Variants in TMEM63A observed in about 807,000 individuals in gnomAD.
TMEM63A encodes transmembrane protein 63A.
TMEM63A carries 76 observed loss-of-function variants against 100.6 expected under a neutral mutation model. The observed-to-expected ratio is 0.76, with a 90% CI of 0.63 to 0.91. TMEM63A has a LOEUF of 0.91. Ranked by LOEUF, TMEM63A falls within the 40% of genes least tolerant of loss-of-function variation. The pLI, the probability that TMEM63A is intolerant of heterozygous loss-of-function variation, is 0.00. For missense variants in TMEM63A, 876 were observed against 1,008.8 expected, an observed-to-expected ratio of 0.87 and a Z score of 1.78; for synonymous variants, 401 against 401.1, an observed-to-expected ratio of 1.00 and a Z score of 0.00.
At chr1:225,844,774 C>A, downstream of TMEM63A, 3 of 1,341,982 alleles carry the variant, frequency 2.2e-6, no homozygotes, top group Non-Finnish European at 3.0e-6. Context: ...CACTAAAGGT[C>A]GAGGTGTTTG....
Position 225,850,087 on chromosome 1 carries a change from G to A in TMEM63A, c.1904-8C>T. The A allele has an allele frequency of 6.2e-7, 1 of 1,613,940 alleles. No individual in the cohort carries two copies. The highest frequency in any genetic ancestry group is 8.5e-7 in the Non-Finnish European group (1 of 1,179,884). The stretch of plus-strand genomic sequence containing the variant: ...GCAGGATGTAGATGAGGCCTGCAGG[G>A]GATGGGGCTGTGAGCTGGAGACCTC... On this transcript the variant is annotated splice_region_variant and splice_polypyrimidine_tract_variant and intron_variant, in intron 20 of 24. Transcript: ENST00000366835.
intron 2 of TMEM63A, among the ~76,000 whole-genome samples, chr1:225,878,786 A>C (rs1469286754): frequency 6.6e-6 from 1 of 152,102 alleles, no homozygotes; most frequent in Non-Finnish European, 1.5e-5. Flanking sequence ...AGATGTTTGG[A>C]TACCAGTAGT....
intron 23 of TMEM63A, chr1:225,848,256 C>A: frequency 1.8e-6 from 1 of 546,960 alleles, no homozygotes; most frequent in South Asian, 2.5e-5. Context: ...GAACTGAAAC[C>A]AAGGGGGATG....
chr1:225,845,610 C>A lies in TMEM63A; in HGVS notation c.*1329G>T, dbSNP rs1475741854. ...GAGCGTGCGCTGACCCCACATGGGG[C>A]CCCCTGTGCAAGCAGAGCTGGCCGG... On this transcript the variant is annotated 3_prime_UTR_variant, in exon 25 of 25. Coordinates refer to ENST00000366835, the MANE Select transcript of TMEM63A (RefSeq NM_014698.3). The A allele has an allele frequency of 1.3e-5, 7 of 543,728 alleles. No homozygotes were observed. In the African/African-American group the frequency reaches 1.3e-4, roughly 10 times the overall value. 33.7% of individuals were successfully genotyped at this position (543,728 alleles called of 1,614,324 possible).
intron 14 of TMEM63A, chr1:225,860,074 C>CT (rs1669862588): frequency 6.5e-6 from 1 of 152,838 alleles, no homozygotes; most frequent in East Asian, 1.9e-4. Flanking sequence ...TAGCTTGCAC[C>CT]TGCCCTGGCC....
At position 225,846,359 on chromosome 1, in the gene TMEM63A, C is replaced by G. The variant is rs548821507; in HGVS notation, c.*580G>C. On this transcript the variant is annotated 3_prime_UTR_variant, in exon 25 of 25. Transcript: ENST00000366835. ...TGTCCCTGCCTGCTATGGGGTAACCCTGACCCAGCTAGCGTCCCTGACAAC... is the reference window on the plus strand; with the variant it reads ...TGTCCCTGCCTGCTATGGGGTAACCGTGACCCAGCTAGCGTCCCTGACAAC... 5 of 152,600 alleles carry G rather than the reference C, an allele frequency of 3.3e-5. No individual in the cohort carries two copies. Among genetic ancestry groups the G allele is most frequent in the African/African-American group, 1.2e-4 (5 of 41,588 alleles). 9.5% of individuals were successfully genotyped at this position (152,600 alleles called of 1,614,324 possible). A position where few individuals can be genotyped will look rare whatever the true frequency, so the allele number is the denominator to read the frequency against.
At chr1:225,874,220 ACT>A in intron 4 of TMEM63A, 66 bp downstream of exon 4, 1 of 1,453,620 alleles carries the variant, frequency 6.9e-7, no homozygotes, top group Non-Finnish European at 9.6e-7. Context: ...ACATATACAC[ACT>A]CACGCACATA....
chr1:225,855,793 C>T, intron 18 of TMEM63A, 85 bp downstream of exon 18: 2 of 1,411,046 alleles, frequency 1.4e-6, no homozygotes, highest in South Asian at 2.4e-5. Flanking sequence ...GCTACGACCG[C>T]CCCCACCCAT....
At chr1:225,860,123 T>C (rs1477288288) in intron 14 of TMEM63A, 1 of 152,614 alleles carries the variant, frequency 6.6e-6, no homozygotes, top group Admixed American at 6.5e-5. Context: ...CAATCCTGAG[T>C]TTAGGAAGCC....
chr1:225,871,242 A>G (rs1395784844), intron 5 of TMEM63A, 129 bp from the exon 6 acceptor site: 1 of 940,948 alleles, frequency 1.1e-6, no homozygotes, highest in Non-Finnish European at 1.6e-6. Flanking sequence ...TTTATCCCAT[A>G]TTCAGCAAGC....
chr1:225,876,203 T>G (rs1424433174), intron 3 of TMEM63A, among the ~76,000 whole-genome samples: 1 of 148,226 alleles, frequency 6.7e-6, no homozygotes, highest in Non-Finnish European at 1.5e-5. Context: ...GGTCCCCCTC[T>G]CTGTACTCCT....
rs1204531136 is a variant in TMEM63A, at chr1:225,865,602, C to T, written c.746+295G>A. On this transcript the variant is annotated intron_variant, in intron 10 of 24. Coordinates refer to ENST00000366835, the MANE Select transcript of TMEM63A (RefSeq NM_014698.3). The surrounding 1 kb of genome is among the most constrained non-coding windows in gnomAD (Gnocchi z 4.6). ...CCCCGGGGTCAACAATTTTTTCCCC[C>T]GTATGCTCTCAAGACGTTTATTCGC... The T allele has an allele frequency of 6.2e-6, 2 of 322,958 alleles. No individual in the cohort carries two copies. The highest frequency in any genetic ancestry group is 5.3e-5 in the South Asian group (1 of 18,694). The allele number at this position is 322,958 out of a possible 1,614,324, so 20.0% of individuals were successfully genotyped here. A position where few individuals can be genotyped will look rare whatever the true frequency, so the allele number is the denominator to read the frequency against.
intron 6 of TMEM63A, among the ~76,000 whole-genome samples, chr1:225,869,668 T>TTTCTTTTC (rs777984731): frequency 4.0e-4 from 57 of 142,712 alleles, no homozygotes; most frequent in East Asian, 1.4e-3. Context: ...TTTCTTTTCT[T>TTTCTTTTC]TTTTTTTTTT....
chr1:225,869,553 C>T (rs1048733752), intron 6 of TMEM63A, among the ~76,000 whole-genome samples: 1 of 152,078 alleles, frequency 6.6e-6, no homozygotes, highest in Non-Finnish European at 1.5e-5. Context: ...CCTCCTTTTA[C>T]AGTTGGGAAA....
downstream of TMEM63A, chr1:225,842,280 G>A (rs957036015): frequency 1.2e-5 from 12 of 1,029,546 alleles, no homozygotes; most frequent in Non-Finnish European, 1.7e-5. Context: ...CCCGCCCTCT[G>A]CGGCCAGTGC....
chr1:225,875,974 G>A (rs562156191), intron 3 of TMEM63A, among the ~76,000 whole-genome samples: 2 of 149,714 alleles, frequency 1.3e-5, no homozygotes, highest in African/African-American at 4.9e-5. Flanking sequence ...GCTGAGGTGG[G>A]AGGATTGCTT....
chr1:225,844,636 G>C, downstream of TMEM63A: 1 of 1,613,756 alleles, frequency 6.2e-7, no homozygotes, highest in East Asian at 2.2e-5. Flanking sequence ...GAGCCTGGCT[G>C]AGCCGAGAAC....
At chr1:225,843,698 A>G (rs1458515535), downstream of TMEM63A, among the ~76,000 whole-genome samples, 1 of 152,240 alleles carries the variant, frequency 6.6e-6, no homozygotes, top group Non-Finnish European at 1.5e-5. Context: ...TCTGTGTTCT[A>G]GAAAGAACAG....
Position 225,867,827 on chromosome 1 carries a change from T to C in TMEM63A, c.514+61A>G. On this transcript the variant is annotated intron_variant, in intron 7 of 24. Transcript: ENST00000366835. This position sits in a 1 kb window ranked among gnomAD's most constrained non-coding sequence, Gnocchi z 4.6. The stretch of plus-strand genomic sequence containing the variant: ...GGTTCTGGTCTACCACAGTGAGCCC[T>C]TTCCCTAGGACTGCCACTCTGCCCC... 6.2e-7 allele frequency: 1 copy of C among 1,604,630 alleles called. No individual in the cohort carries two copies. Among genetic ancestry groups the C allele is most frequent in the Admixed American group, 1.7e-5 (1 of 59,640 alleles).
Sources: allele counts gnomAD v4.1 joint callset (sites outside exome capture counted in the v4.1 genomes callset), GRCh38; gene constraint gnomAD v4.1.1; non-coding constraint Gnocchi (gnomAD v3.1); transcripts MANE v1.5; gene names NCBI Gene and HGNC (gene_info 2026-07-23, HGNC 2026-07-21).